The following SMOC2 variants were observed in gnomAD, a reference collection of about 807,000 sequenced individuals.
The protein encoded by SMOC2 is SPARC-related modular calcium-binding protein 2.
SMOC2 carries 39 observed loss-of-function variants against 61.4 expected under a neutral mutation model. The ratio of observed to expected loss-of-function variants is 0.64; its 90% CI spans 0.49 to 0.83. SMOC2 has a LOEUF of 0.83. SMOC2 is among the 40% of genes least tolerant of loss of function. The probability of loss-of-function intolerance (pLI) is 0.00; values close to 1 mark genes in which losing one functional copy is unlikely to be tolerated. For synonymous variants in SMOC2, 247 were observed against 239.9 expected (o/e 1.03, Z -0.27); for missense variants, 556 against 592.9 (o/e 0.94, Z 0.65).
intron 2 of SMOC2, among the ~76,000 whole-genome samples, chr6:168,521,720 G>A (rs1448671342): frequency 2.0e-5 from 3 of 152,046 alleles, no homozygotes; most frequent in South Asian, 2.1e-4. Flanking sequence ...CCATCTCTAC[G>A]AAAATTAAAA....
chr6:168,581,321 A>G (rs1784911907), intron 7 of SMOC2, among the ~76,000 whole-genome samples: 1 of 152,224 alleles, frequency 6.6e-6, no homozygotes, highest in Non-Finnish European at 1.5e-5. Context: ...TAAAAAAAAA[A>G]TGAAAACCCC....
intron 4 of SMOC2, among the ~76,000 whole-genome samples, chr6:168,541,431 A>C (rs1250646653): frequency 6.6e-6 from 1 of 152,194 alleles, no homozygotes; most frequent in Non-Finnish European, 1.5e-5. Flanking sequence ...TGCTTGTTAT[A>C]AACACTTGGA....
chr6:168,584,062 G>T (rs193169696), intron 7 of SMOC2, among the ~76,000 whole-genome samples: 23 of 152,348 alleles, frequency 1.5e-4, no homozygotes, highest in Non-Finnish European at 2.5e-4. Context: ...ACAGCAGCAG[G>T]CCAGCAAAAA....
chr6:168,637,488 C>G (rs1042056671), intron 9 of SMOC2, among the ~76,000 whole-genome samples: 19 of 152,182 alleles, frequency 1.2e-4, no homozygotes, highest in Admixed American at 1.2e-3. Flanking sequence ...TCTTCTTACC[C>G]AATTCTATCA....
chr6:168,572,898 C>G (rs1784699840), intron 7 of SMOC2, among the ~76,000 whole-genome samples: 1 of 109,536 alleles, frequency 9.1e-6, no homozygotes, highest in Admixed American at 8.1e-5. Flanking sequence ...CTGCGTGGTC[C>G]CTGAACGCGA....
At chr6:168,559,906 G>C (rs539904485) in intron 7 of SMOC2, among the ~76,000 whole-genome samples, 107 of 152,284 alleles carry the variant, frequency 7.0e-4, no homozygotes, top group African/African-American at 2.4e-3. Context: ...ATGAGGACTT[G>C]TTTGCCAAGC....
chr6:168,499,907 T>G (rs1331117350), intron 1 of SMOC2, among the ~76,000 whole-genome samples: 1 of 152,246 alleles, frequency 6.6e-6, no homozygotes, highest in Non-Finnish European at 1.5e-5. Context: ...TAGCATTTAA[T>G]GCAGAAGATT....
chr6:168,604,094 G>A (rs560549115), intron 8 of SMOC2, among the ~76,000 whole-genome samples: 4 of 152,320 alleles, frequency 2.6e-5, no homozygotes, highest in South Asian at 4.1e-4. Context: ...TCCCAAAGCC[G>A]CCCTGACACC....
At chr6:168,641,566 G>C (rs1786890870) in intron 9 of SMOC2, among the ~76,000 whole-genome samples, 8 of 152,246 alleles carry the variant, frequency 5.3e-5, no homozygotes, top group Admixed American at 5.2e-4. Flanking sequence ...CTTATTAGCT[G>C]TGATAAATTC....
chr6:168,610,301 G>A (rs1177117454), intron 9 of SMOC2, among the ~76,000 whole-genome samples: 1 of 152,238 alleles, frequency 6.6e-6, no homozygotes, highest in Non-Finnish European at 1.5e-5. Context: ...AAAGCCACGT[G>A]ACGCAAACTG....
chr6:168,643,696 C>T (rs977943803), intron 9 of SMOC2, among the ~76,000 whole-genome samples: 1 of 152,184 alleles, frequency 6.6e-6, no homozygotes, highest in Non-Finnish European at 1.5e-5. Context: ...ATCACCTGGA[C>T]GTAGGATGCA....
chr6:168,624,179 A>G (rs978348357), intron 9 of SMOC2, among the ~76,000 whole-genome samples: 1 of 152,212 alleles, frequency 6.6e-6, no homozygotes. Context: ...CTTTCCCTAT[A>G]TGAGTTCATT....
At chr6:168,451,903 A>G (rs1781476888) in intron 1 of SMOC2, among the ~76,000 whole-genome samples, 1 of 152,038 alleles carries the variant, frequency 6.6e-6, no homozygotes, top group Non-Finnish European at 1.5e-5. Context: ...CACCACCTAC[A>G]CCCTGCTGGA....
intron 2 of SMOC2, among the ~76,000 whole-genome samples, chr6:168,523,340 G>A (rs867885512): frequency 1.2e-4 from 18 of 145,762 alleles, no homozygotes; most frequent in East Asian, 2.1e-4. Context: ...CACCCGCCTC[G>A]GCCTCCCAAA....
chr6:168,662,522 T>C (rs907050501), intron 11 of SMOC2, among the ~76,000 whole-genome samples: 1 of 152,126 alleles, frequency 6.6e-6, no homozygotes, highest in African/African-American at 2.4e-5. Flanking sequence ...CGGAGTGATG[T>C]GATGCCACAT....
chr6:168,574,783 C>G (rs1562357347), intron 7 of SMOC2, among the ~76,000 whole-genome samples: 1 of 152,192 alleles, frequency 6.6e-6, no homozygotes, highest in Non-Finnish European at 1.5e-5. Flanking sequence ...GCTGGTCTCA[C>G]TTCAGACAGC....
At chr6:168,633,814 C>CA (rs1786636567) in intron 9 of SMOC2, among the ~76,000 whole-genome samples, 1 of 152,180 alleles carries the variant, frequency 6.6e-6, no homozygotes, top group African/African-American at 2.4e-5. Context: ...GCTGTGTCCC[C>CA]ACCCAAATCT....
At chr6:168,523,079 A>ATTTTTTTTTTTTTTTTTT (rs1554287070) in intron 2 of SMOC2, among the ~76,000 whole-genome samples, 1 of 93,662 alleles carries the variant, frequency 1.1e-5, no homozygotes, top group African/African-American at 3.3e-5. Context: ...TTGTACAGTA[A>ATTTTTTTTTTTTTTTTTT]TTTTTTTTTT....
chr6:168,477,888 G>A (rs975755031), intron 1 of SMOC2, among the ~76,000 whole-genome samples: 1 of 152,074 alleles, frequency 6.6e-6, no homozygotes, highest in African/African-American at 2.4e-5. Context: ...CTCATTCCGC[G>A]ACCCACTCGA....
Sources: gnomAD v4.1 joint callset for allele counts (sites outside exome capture counted in the v4.1 genomes callset) on GRCh38, gnomAD v4.1.1 for gene constraint, MANE v1.5 for transcripts, NCBI Gene and HGNC (gene_info 2026-07-23, HGNC 2026-07-21) for gene names.